Variants in STAC observed in about 807,000 individuals in gnomAD.
STAC encodes SH3 and cysteine-rich domain-containing protein.
In STAC, 43 loss-of-function variants were observed where a neutral mutation model predicts 48.8. That is an observed-to-expected ratio of 0.88 (90% CI 0.69 to 1.14). The LOEUF (loss-of-function observed/expected upper bound fraction) is 1.14, where lower values mean the gene tolerates loss of function less well. Ranked by LOEUF, STAC falls within the 50% of genes most tolerant of loss-of-function variation. STAC has a pLI of 0.00. For missense variants in STAC, 497 were observed against 504.0 expected (o/e 0.99, Z 0.13); for synonymous variants, 193 against 179.5 (o/e 1.07, Z -0.60).
intron 3 of STAC, 59 bp from the exon 4 acceptor site, chr3:36,484,918 G>A (rs952856881): frequency 4.2e-6 from 6 of 1,413,952 alleles, no homozygotes; most frequent in Non-Finnish European, 5.8e-6. Context: ...GGGAGCTCTT[G>A]TATGGTTTTC....
intron 2 of STAC, among the ~76,000 whole-genome samples, chr3:36,468,844 C>T (rs1012422840): frequency 6.7e-6 from 1 of 148,958 alleles, no homozygotes; most frequent in East Asian, 2.0e-4. Context: ...ATATAATGTT[C>T]CTCTTCTTCT....
chr3:36,417,908 T>A (rs1700356702), intron 1 of STAC, among the ~76,000 whole-genome samples: 1 of 152,242 alleles, frequency 6.6e-6, no homozygotes, highest in African/African-American at 2.4e-5. Context: ...TCTTTCATTT[T>A]TAAATTAATT....
intron 1 of STAC, among the ~76,000 whole-genome samples, chr3:36,394,380 T>C (rs538610058): frequency 2.6e-5 from 4 of 152,304 alleles, no homozygotes; most frequent in African/African-American, 7.2e-5. Flanking sequence ...TCATTGTCTG[T>C]GCTAAGGAAT....
At chr3:36,543,277 T>C (rs1236885918) in intron 10 of STAC, among the ~76,000 whole-genome samples, 8 of 152,172 alleles carry the variant, frequency 5.3e-5, no homozygotes. Flanking sequence ...CCTAAAATGG[T>C]AGATTCTCAA....
At chr3:36,445,589 T>C (rs1043819181) in intron 2 of STAC, among the ~76,000 whole-genome samples, 1 of 152,188 alleles carries the variant, frequency 6.6e-6, no homozygotes, top group Admixed American at 6.5e-5. Flanking sequence ...ATTTTAATTA[T>C]CTGATAATGG....
chr3:36,443,424 G>A lies in STAC; in HGVS notation c.172G>A (p.Asp58Asn), dbSNP rs1218930397. ...CAAGAGTTTACGGAGCAAAAGTGCT[G>A]ACAACTTCTTCCAGCGAACCAACAG... ...KTKSLRSKSA[D>N]NFFQRTNSED... The change falls in exon 2 of 11, where the codon GAC becomes AAC. Residue 58 changes from aspartate (D) to asparagine (N), a missense_variant. Coordinates refer to ENST00000273183, the MANE Select transcript of STAC (RefSeq NM_003149.3). This position sits in a 1 kb window ranked among gnomAD's most constrained non-coding sequence, Gnocchi z 4.2. The A allele has an allele frequency of 1.2e-6, 2 of 1,614,074 alleles. No individual in the cohort carries two copies. The highest frequency in any genetic ancestry group is 1.7e-6 in the Non-Finnish European group (2 of 1,180,058).
chr3:36,478,367 C>A (rs931408188), intron 2 of STAC, among the ~76,000 whole-genome samples: 1 of 152,184 alleles, frequency 6.6e-6, no homozygotes, highest in Non-Finnish European at 1.5e-5. Flanking sequence ...TATTTTTCCT[C>A]AAATTAAAAA....
At chr3:36,499,847 C>G (rs1173420500) in intron 6 of STAC, among the ~76,000 whole-genome samples, 1 of 151,134 alleles carries the variant, frequency 6.6e-6, no homozygotes, top group Non-Finnish European at 1.5e-5. Flanking sequence ...AAGGGGCAAC[C>G]ACAGGCAAAT....
intron 2 of STAC, among the ~76,000 whole-genome samples, chr3:36,444,398 T>A (rs1475041678): frequency 2.0e-5 from 3 of 152,224 alleles, no homozygotes; most frequent in African/African-American, 7.2e-5. Context: ...TCAGGCATCT[T>A]CAGATCAGCT....
At chr3:36,519,868 T>G (rs959431166) in intron 8 of STAC, among the ~76,000 whole-genome samples, 1 of 152,176 alleles carries the variant, frequency 6.6e-6, no homozygotes, top group African/African-American at 2.4e-5. Flanking sequence ...AATTTACAAA[T>G]AGATGCAAAA....
chr3:36,428,945 T>G (rs1317974435), intron 1 of STAC, among the ~76,000 whole-genome samples: 3 of 152,156 alleles, frequency 2.0e-5, no homozygotes, highest in East Asian at 1.9e-4. Flanking sequence ...CAGCAAGAAA[T>G]AGAATATAGT....
intron 1 of STAC, among the ~76,000 whole-genome samples, chr3:36,410,690 C>T (rs1700175856): frequency 1.3e-5 from 2 of 152,170 alleles, no homozygotes; most frequent in African/African-American, 4.8e-5. Context: ...AGACAATTAA[C>T]CAAACACACA....
intron 1 of STAC, among the ~76,000 whole-genome samples, chr3:36,421,595 C>G (rs1363806805): frequency 6.6e-6 from 1 of 152,094 alleles, no homozygotes; most frequent in Admixed American, 6.5e-5. Context: ...TTCATTTAAC[C>G]CAGAAGCTCT....
intron 2 of STAC, among the ~76,000 whole-genome samples, chr3:36,465,103 C>T (rs1473927718): frequency 6.6e-6 from 1 of 152,168 alleles, no homozygotes; most frequent in African/African-American, 2.4e-5. Context: ...GTTCCCTTTT[C>T]ACTACATCCA....
At chr3:36,533,690 C>T (rs2125498827) in intron 10 of STAC, among the ~76,000 whole-genome samples, 1 of 152,000 alleles carries the variant, frequency 6.6e-6, no homozygotes, top group African/African-American at 2.4e-5. Flanking sequence ...TGGGACTGGG[C>T]CTCATACCTG....
chr3:36,460,434 A>G (rs1696982770), intron 2 of STAC, among the ~76,000 whole-genome samples: 1 of 152,110 alleles, frequency 6.6e-6, no homozygotes, highest in African/African-American at 2.4e-5. Flanking sequence ...AATATTTGGG[A>G]AACACTAACA....
intron 1 of STAC, among the ~76,000 whole-genome samples, chr3:36,403,832 T>A (rs1356973491): frequency 2.0e-5 from 3 of 152,128 alleles, no homozygotes. Flanking sequence ...CATTCTGGAA[T>A]CTGGAATCCA....
At chr3:36,432,325 C>T (rs1161358235) in intron 1 of STAC, among the ~76,000 whole-genome samples, 2 of 152,220 alleles carry the variant, frequency 1.3e-5, no homozygotes, top group African/African-American at 4.8e-5. Flanking sequence ...GCAGCAAAGC[C>T]ATTCTGACCC....
intron 1 of STAC, among the ~76,000 whole-genome samples, chr3:36,398,400 AAG>A (rs1699914145): frequency 7.2e-6 from 1 of 139,310 alleles, no homozygotes; most frequent in Non-Finnish European, 1.6e-5. Context: ...AAGAGAGGTA[AAG>A]AGAAAGAGAG....
Sources: gnomAD v4.1 joint callset for allele counts (sites outside exome capture counted in the v4.1 genomes callset) on GRCh38, gnomAD v4.1.1 for gene constraint, Gnocchi (gnomAD v3.1) non-coding constraint, MANE v1.5 for transcripts, NCBI Gene and HGNC (gene_info 2026-07-23, HGNC 2026-07-21) for gene names.